The following CLSTN2 variants were observed in gnomAD, a reference collection of about 807,000 sequenced individuals.
CLSTN2 encodes the protein calsyntenin 2, also known as calsyntenin-2.
In CLSTN2, 48 loss-of-function variants were observed where a neutral mutation model predicts 101.2. The ratio of observed to expected loss-of-function variants is 0.47; its 90% CI spans 0.38 to 0.60. CLSTN2 has a LOEUF of 0.60. Ranked by LOEUF, CLSTN2 falls within the 20% of genes least tolerant of loss-of-function variation. The pLI is 0.00. For synonymous variants in CLSTN2, 481 were observed against 463.6 expected, an observed-to-expected ratio of 1.04 and a Z score of -0.48; for missense variants, 1,160 against 1,238.2, an observed-to-expected ratio of 0.94 and a Z score of 0.95.
intron 1 of CLSTN2, among the ~76,000 whole-genome samples, chr3:140,098,534 G>C (rs78501056): frequency 6.6e-6 from 1 of 152,180 alleles, no homozygotes; most frequent in Non-Finnish European, 1.5e-5. Flanking sequence ...GACATTAATT[G>C]CTTAATCAAA....
At chr3:140,435,428 A>G (rs2088675544) in intron 5 of CLSTN2, among the ~76,000 whole-genome samples, 1 of 152,336 alleles carries the variant, frequency 6.6e-6, no homozygotes, top group South Asian at 2.1e-4. Flanking sequence ...ATAGTACTCC[A>G]TTGTGTATAT....
chr3:140,184,436 C>T (rs1433424633), intron 2 of CLSTN2, among the ~76,000 whole-genome samples: 1 of 151,912 alleles, frequency 6.6e-6, no homozygotes, highest in Non-Finnish European at 1.5e-5. Context: ...AGGAAGAGCC[C>T]CTTATGAAAC....
chr3:140,475,570 G>A (rs940074382), intron 8 of CLSTN2, among the ~76,000 whole-genome samples: 31 of 152,304 alleles, frequency 2.0e-4, no homozygotes, highest in African/African-American at 7.0e-4. Flanking sequence ...TTCTTTCCCT[G>A]CTGCCGTCTT....
At chr3:140,253,006 G>A (rs576767134) in intron 2 of CLSTN2, among the ~76,000 whole-genome samples, 71 of 152,158 alleles carry the variant, frequency 4.7e-4, no homozygotes, top group Non-Finnish European at 9.7e-4. Context: ...TCCCCACCAC[G>A]CTACCTCACA....
chr3:140,190,788 C>T (rs1236159271), intron 2 of CLSTN2, among the ~76,000 whole-genome samples: 1 of 151,988 alleles, frequency 6.6e-6, no homozygotes. Flanking sequence ...TGCAACCTTG[C>T]TGAATTTAAT....
At chr3:140,221,058 A>C (rs1303544636) in intron 2 of CLSTN2, among the ~76,000 whole-genome samples, 1 of 152,248 alleles carries the variant, frequency 6.6e-6, no homozygotes, top group East Asian at 1.9e-4. Context: ...CTGAAATAGC[A>C]GAATAATATT....
At chr3:140,217,756 T>C (rs1482189244) in intron 2 of CLSTN2, among the ~76,000 whole-genome samples, 2 of 152,194 alleles carry the variant, frequency 1.3e-5, no homozygotes, top group East Asian at 1.9e-4. Flanking sequence ...GGGGGACATA[T>C]TTGCCTTAGA....
rs567282771 is a variant in CLSTN2 at position 140,412,226 on chromosome 3, C to G, written c.637+7460C>G. Reference sequence around the variant, plus strand: ...GATGGGGTTTCTCCATGTTGGTCAGCCTGGTCTTAAACTCCTGACCTCAGG... The same window carrying G: ...GATGGGGTTTCTCCATGTTGGTCAGGCTGGTCTTAAACTCCTGACCTCAGG... On this transcript the variant is annotated intron_variant, in intron 4 of 16. Coordinates refer to ENST00000458420, the MANE Select transcript of CLSTN2 (RefSeq NM_022131.3). 3.3e-5 allele frequency among the ~76,000 whole-genome samples: 5 copies of G among 152,200 alleles called. No homozygotes were observed. The East Asian group carries it at 9.7e-4, about 29-fold the overall frequency.
chr3:140,566,939 A>AT lies in CLSTN2; in HGVS notation c.*687dup. 6.6e-6 allele frequency: 1 copy of AT among 152,506 alleles called. No homozygotes were observed. The highest frequency in any genetic ancestry group is 1.5e-5 in the Non-Finnish European group (1 of 68,348). The allele number at this position is 152,506 out of a possible 1,614,324, so 9.4% of individuals were successfully genotyped here. A position where few individuals can be genotyped will look rare whatever the true frequency, so the allele number is the denominator to read the frequency against. On this transcript the variant is annotated 3_prime_UTR_variant, in exon 17 of 17. Coordinates refer to ENST00000458420, the MANE Select transcript of CLSTN2 (RefSeq NM_022131.3). Reference sequence around the variant, plus strand: ...GGTCCTTGGCCACAAGCAGGGTCTGATCCCCCATCAGAGCTATCTGAGCCT... The same window carrying AT: ...GGTCCTTGGCCACAAGCAGGGTCTGATTCCCCCATCAGAGCTATCTGAGCCT...
intron 2 of CLSTN2, among the ~76,000 whole-genome samples, chr3:140,329,585 C>T (rs2087362379): frequency 6.6e-6 from 1 of 151,946 alleles, no homozygotes; most frequent in Non-Finnish European, 1.5e-5. Flanking sequence ...GCATGTGACA[C>T]ATCTTGAATT....
chr3:140,281,761 AGC>A (rs1306858107), intron 2 of CLSTN2, among the ~76,000 whole-genome samples: 2 of 22,858 alleles, frequency 8.7e-5, no homozygotes, highest in Non-Finnish European at 4.7e-4. Context: ...TCAGAGAGAG[AGC>A]GAGAGAGAGA....
At chr3:140,238,160 G>A (rs549017665) in intron 2 of CLSTN2, among the ~76,000 whole-genome samples, 12 of 152,236 alleles carry the variant, frequency 7.9e-5, no homozygotes, top group South Asian at 4.1e-4. Flanking sequence ...TTACATCTGA[G>A]GACAGAAGAC....
At chr3:140,338,821 C>T (rs2087466276) in intron 2 of CLSTN2, among the ~76,000 whole-genome samples, 1 of 152,198 alleles carries the variant, frequency 6.6e-6, no homozygotes, top group African/African-American at 2.4e-5. Context: ...TGAGCAGGTG[C>T]AGCACCCTCC....
chr3:140,083,365 A>G (rs2008629944), intron 1 of CLSTN2, among the ~76,000 whole-genome samples: 1 of 152,226 alleles, frequency 6.6e-6, no homozygotes, highest in African/African-American at 2.4e-5. Context: ...GCAAGGAGGG[A>G]TGAATTTTCA....
intron 2 of CLSTN2, among the ~76,000 whole-genome samples, chr3:140,328,914 T>TGA (rs956197515): frequency 2.7e-4 from 41 of 152,282 alleles, no homozygotes; most frequent in African/African-American, 8.4e-4. Context: ...TCTAATGATG[T>TGA]GAGTTATTAT....
At chr3:140,326,131 C>T (rs1366495955) in intron 2 of CLSTN2, among the ~76,000 whole-genome samples, 1 of 152,232 alleles carries the variant, frequency 6.6e-6, no homozygotes, top group East Asian at 1.9e-4. Flanking sequence ...CTCTTCTCTG[C>T]TGCCGGGTGC....
rs375347397 is a variant in CLSTN2 at position 140,100,577 on chromosome 3, G to T, written c.110-75374G>T. On this transcript the variant is annotated intron_variant, in intron 1 of 16. Transcript: ENST00000458420. ...CTTGGTGATAGAAAAATGTAAGTTT[G>T]CAGTCACTAGAAGGCTTTACTTTCT... is the stretch of plus-strand genomic sequence containing the variant. 4.6e-5 allele frequency among the ~76,000 whole-genome samples: 7 copies of T among 152,344 alleles called. No individual in the cohort carries two copies. In the East Asian group the frequency reaches 7.7e-4, roughly 17 times the overall value.
intron 1 of CLSTN2, among the ~76,000 whole-genome samples, chr3:140,058,228 G>T (rs1464475401): frequency 6.6e-6 from 1 of 152,218 alleles, no homozygotes. Flanking sequence ...GAAATAAGAT[G>T]TGTTCCTAAA....
In CLSTN2 at chr3:140,566,116, GA is replaced by G. The variant is rs1370648451; in HGVS notation, c.2733del (p.Glu912LysfsTer2). The G allele has an allele frequency of 1.2e-6, 2 of 1,612,196 alleles. No homozygotes were observed. Among genetic ancestry groups the G allele is most frequent in the Non-Finnish European group, 1.7e-6 (2 of 1,178,358 alleles). On this transcript the variant is annotated frameshift_variant, in exon 17 of 17. Transcript: ENST00000458420. LOFTEE classifies it high-confidence loss of function. ...TEGEEEEEAE[E>X]EMSSSSGSDD... ...GGGAGAAGAGGAGGAAGAAGCCGAG[GA>G]AGAAATGAGCTCCAGCAGTGGCTCT...
Sources: gnomAD v4.1 joint callset for allele counts (sites outside exome capture counted in the v4.1 genomes callset) on GRCh38, gnomAD v4.1.1 for gene constraint, MANE v1.5 for transcripts, NCBI Gene and HGNC (gene_info 2026-07-23, HGNC 2026-07-21) for gene names.